NHSL3: variants seen among roughly 807,000 people sequenced by gnomAD.
NHSL3 encodes NHS like 3.
the NHSL3 span, chr1:32,771,672 T>G: frequency 6.2e-7 from 1 of 1,611,132 alleles, no homozygotes; most frequent in Admixed American, 1.7e-5. Context: ...AGCCCCCGGG[T>G]AGCCCAGACC....
At chr1:32,745,836 A>G in the NHSL3 span, among the ~76,000 whole-genome samples, 1 of 152,150 alleles carries the variant, frequency 6.6e-6, no homozygotes, top group East Asian at 1.9e-4. Context: ...ACCCTGATCC[A>G]TGTTTGGAAA....
chr1:32,762,850 A>G, the NHSL3 span, among the ~76,000 whole-genome samples: 1 of 152,080 alleles, frequency 6.6e-6, no homozygotes, highest in Non-Finnish European at 1.5e-5. Context: ...GGCCTCCCAA[A>G]GTGCTGGGAT....
chr1:32,772,807 A>G, the NHSL3 span: 13 of 1,542,908 alleles, frequency 8.4e-6, no homozygotes, highest in South Asian at 1.2e-4. Flanking sequence ...TTGGGCTCCT[A>G]GTGCCAGAAC....
the NHSL3 span, chr1:32,765,687 T>G: frequency 6.5e-7 from 1 of 1,539,388 alleles, no homozygotes; most frequent in South Asian, 1.2e-5. Flanking sequence ...CCCATAGTGC[T>G]GGGTTACAGT....
chr1:32,771,617 G>GT, the NHSL3 span: 2 of 1,613,134 alleles, frequency 1.2e-6, no homozygotes, highest in South Asian at 1.1e-5. Flanking sequence ...GAGCTTGTCA[G>GT]CTCCCCGGCT....
chr1:32,760,655 G>A, the NHSL3 span, among the ~76,000 whole-genome samples: 1 of 151,332 alleles, frequency 6.6e-6, no homozygotes, highest in African/African-American at 2.4e-5. Flanking sequence ...CAATGGCGTG[G>A]TCTTGGCTCA....
chr1:32,742,848 G>T, the NHSL3 span, among the ~76,000 whole-genome samples: 1 of 152,238 alleles, frequency 6.6e-6, no homozygotes, highest in African/African-American at 2.4e-5. Flanking sequence ...CAGCCCTGGA[G>T]AAACATGCCA....
At chr1:32,762,491 C>CT in the NHSL3 span, among the ~76,000 whole-genome samples, 3,676 of 148,892 alleles carry the variant, frequency 0.025, 159 homozygotes, top group African/African-American at 0.084. Context: ...GAGACAGGGA[C>CT]TTACTGTGTT....
the NHSL3 span, among the ~76,000 whole-genome samples, chr1:32,762,094 A>G: frequency 3.3e-5 from 5 of 152,136 alleles, no homozygotes; most frequent in East Asian, 3.9e-4. Context: ...AAAAGTGCCT[A>G]CTTCTTAGGA....
the NHSL3 span, among the ~76,000 whole-genome samples, chr1:32,760,958 T>G: frequency 1.3e-5 from 2 of 151,982 alleles, no homozygotes; most frequent in Non-Finnish European, 2.9e-5. Context: ...GCTGCCTGAG[T>G]CTCTGCCCTG....
At chr1:32,770,873 G>A in the NHSL3 span, 1 of 1,608,886 alleles carries the variant, frequency 6.2e-7, no homozygotes. This position sits in a 1 kb window ranked among gnomAD's most constrained non-coding sequence, Gnocchi z 8.3. Flanking sequence ...TTGTCTCCGG[G>A]TGGTTCCCGG....
chr1:32,743,419 AG>A, the NHSL3 span, among the ~76,000 whole-genome samples: 1 of 151,866 alleles, frequency 6.6e-6, no homozygotes, highest in Non-Finnish European at 1.5e-5. Flanking sequence ...CATAGAAGTG[AG>A]GGTGCTGGGG....
At chr1:32,765,775 G>A in the NHSL3 span, 1 of 1,547,774 alleles carries the variant, frequency 6.5e-7, no homozygotes, top group Admixed American at 2.0e-5. Flanking sequence ...CAGTCATGGT[G>A]GTGTTCGTTG....
chr1:32,760,149 G>A, the NHSL3 span, among the ~76,000 whole-genome samples: 2 of 152,204 alleles, frequency 1.3e-5, no homozygotes, highest in Non-Finnish European at 2.9e-5. Context: ...CTGGCTCATG[G>A]GCTGGCCAGG....
chr1:32,760,369 C>A, the NHSL3 span, among the ~76,000 whole-genome samples: 24 of 152,336 alleles, frequency 1.6e-4, no homozygotes, highest in South Asian at 5.0e-3. Context: ...GTTGCCAAGA[C>A]AGTGCGTGCG....
At chr1:32,756,480 C>G in the NHSL3 span, among the ~76,000 whole-genome samples, 2 of 117,618 alleles carry the variant, frequency 1.7e-5, no homozygotes, top group Non-Finnish European at 3.8e-5. Flanking sequence ...ACCCCCCCCC[C>G]CCGCCCATTT....
chr1:32,762,583 C>A, the NHSL3 span, among the ~76,000 whole-genome samples: 47 of 151,376 alleles, frequency 3.1e-4, no homozygotes, highest in African/African-American at 1.1e-3. Context: ...CCCAGGAAAT[C>A]TTTTATTTAT....
At chr1:32,759,936 A>G in the NHSL3 span, among the ~76,000 whole-genome samples, 2 of 152,166 alleles carry the variant, frequency 1.3e-5, no homozygotes, top group East Asian at 1.9e-4. Context: ...AGTAGAAGAG[A>G]AAGTGTTTTG....
chr1:32,770,894 G>A, the NHSL3 span: 5 of 1,609,666 alleles, frequency 3.1e-6, no homozygotes, highest in African/African-American at 1.3e-5. This position sits in a 1 kb window ranked among gnomAD's most constrained non-coding sequence, Gnocchi z 8.3. Context: ...CGCCCCCCAC[G>A]GTCCCCAGAA....
Sources: gnomAD v4.1 joint callset for allele counts (sites outside exome capture counted in the v4.1 genomes callset) on GRCh38, gnomAD v4.1.1 for gene constraint, Gnocchi (gnomAD v3.1) non-coding constraint, MANE v1.5 for transcripts, NCBI Gene and HGNC (gene_info 2026-07-23, HGNC 2026-07-21) for gene names.